Variants in FMNL2 observed in about 807,000 individuals in gnomAD.
FMNL2 encodes the protein formin-like protein 2.
FMNL2 carries 51 observed loss-of-function variants against 130.2 expected under a neutral mutation model. The ratio of observed to expected loss-of-function variants is 0.39; its 90% CI spans 0.31 to 0.49. FMNL2 has a LOEUF of 0.49. Among genes scored for constraint, FMNL2 ranks in the 20% least tolerant of loss-of-function variants. The pLI is 0.85. For synonymous variants in FMNL2, 465 were observed against 467.1 expected (o/e 1.00, Z 0.06); for missense variants, 977 against 1,316.2 (o/e 0.74, Z 3.99).
chr2:152,490,850 G>A (rs1455573903), intron 1 of FMNL2, among the ~76,000 whole-genome samples: 1 of 152,090 alleles, frequency 6.6e-6, no homozygotes, highest in Admixed American at 6.6e-5. Context: ...GGGATGGAAA[G>A]GCAAATGTGT....
Position 152,438,208 on chromosome 2 carries a change from A to C in FMNL2, c.118-83735A>C, listed in dbSNP as rs148235308. On this transcript the variant is annotated intron_variant, in intron 1 of 25. Coordinates refer to ENST00000288670, the MANE Select transcript of FMNL2 (RefSeq NM_052905.4). ...GAGAATATAAGAAGGCCTGTTCAGC[A>C]TTGGGTTTAAATAGGGAATAATTAG... 3.8e-3 allele frequency among the ~76,000 whole-genome samples: 577 copies of C among 152,368 alleles called. 3 individuals carry two copies. Among genetic ancestry groups the C allele is most frequent in the African/African-American group, 0.013 (552 of 41,590 alleles).
chr2:152,351,224 T>C (rs1682464840), intron 1 of FMNL2, among the ~76,000 whole-genome samples: 1 of 152,204 alleles, frequency 6.6e-6, no homozygotes, highest in South Asian at 2.1e-4. Flanking sequence ...AGTTCTGAGA[T>C]ACATGTGCAG....
At chr2:152,569,298 T>C (rs1696036303) in intron 6 of FMNL2, among the ~76,000 whole-genome samples, 1 of 152,166 alleles carries the variant, frequency 6.6e-6, no homozygotes, top group African/African-American at 2.4e-5. Flanking sequence ...TTTGCTGGCC[T>C]TGCTTGCTTT....
At chr2:152,397,455 T>G (rs1398684998) in intron 1 of FMNL2, among the ~76,000 whole-genome samples, 1 of 152,130 alleles carries the variant, frequency 6.6e-6, no homozygotes, top group East Asian at 1.9e-4. Context: ...CTTTTCAGAA[T>G]AAAAAACGTC....
chr2:152,542,557 T>A (rs1196144680), intron 2 of FMNL2, among the ~76,000 whole-genome samples, 182 bp from the exon 3 acceptor site: 3 of 152,164 alleles, frequency 2.0e-5, no homozygotes, highest in Non-Finnish European at 4.4e-5. Context: ...GTTTTCCTCC[T>A]ATGCAAAGAG....
intron 6 of FMNL2, among the ~76,000 whole-genome samples, chr2:152,563,135 AG>A (rs1262474961): frequency 1.3e-5 from 2 of 152,336 alleles, no homozygotes; most frequent in East Asian, 3.9e-4. Context: ...TTTGCTTCAA[AG>A]TGGATCTTGC....
chr2:152,369,926 T>C (rs1683777516), intron 1 of FMNL2, among the ~76,000 whole-genome samples: 1 of 152,164 alleles, frequency 6.6e-6, no homozygotes, highest in Admixed American at 6.5e-5. Flanking sequence ...TTGCTGTGTA[T>C]TGTGGGGAAT....
intron 22 of FMNL2, 134 bp downstream of exon 22, chr2:152,636,724 T>A: frequency 9.2e-7 from 1 of 1,088,128 alleles, no homozygotes; most frequent in Non-Finnish European, 1.3e-6. Flanking sequence ...TTGTAACTAT[T>A]ATTTATTACG....
intron 8 of FMNL2, among the ~76,000 whole-genome samples, chr2:152,579,349 C>T (rs182121013): frequency 6.6e-6 from 1 of 152,338 alleles, no homozygotes; most frequent in East Asian, 1.9e-4. Context: ...CCTTCGTCTA[C>T]ACTTCGCTTG....
intron 3 of FMNL2, among the ~76,000 whole-genome samples, chr2:152,544,566 C>A (rs182976348): frequency 6.6e-6 from 1 of 152,150 alleles, no homozygotes; most frequent in Middle Eastern, 3.2e-3. Context: ...AAACTTGTAA[C>A]CTTCAGGCTA....
At chr2:152,451,188 G>T (rs970652668) in intron 1 of FMNL2, among the ~76,000 whole-genome samples, 1 of 151,942 alleles carries the variant, frequency 6.6e-6, no homozygotes, top group African/African-American at 2.4e-5. Context: ...TCGCTCTGTT[G>T]CCCAGGCTGG....
chr2:152,367,685 A>G (rs1000401136), intron 1 of FMNL2, among the ~76,000 whole-genome samples: 13 of 152,202 alleles, frequency 8.5e-5, no homozygotes, highest in Admixed American at 8.5e-4. Context: ...GGGCTCCAGG[A>G]AGCTGACTGA....
intron 1 of FMNL2, among the ~76,000 whole-genome samples, chr2:152,518,876 AT>A (rs1225244260): frequency 1.3e-5 from 2 of 152,158 alleles, no homozygotes; most frequent in African/African-American, 2.4e-5. Flanking sequence ...AAACAACGTC[AT>A]TATGTTATTT....
At chr2:152,646,718 C>G (rs1683611531) in intron 25 of FMNL2, among the ~76,000 whole-genome samples, 2 of 152,100 alleles carry the variant, frequency 1.3e-5, no homozygotes, top group South Asian at 4.1e-4. Context: ...GTTTGTATTT[C>G]CCTTTCTAAA....
Position 152,578,892 on chromosome 2 carries a change from G to T in FMNL2, c.710G>T (p.Gly237Val), listed in dbSNP as rs367582555. ...TTTTTTCCATGTTAATTTTAGTATG[G>T]TTTCAACATGGTCATGTCTCATCCA... Reference protein sequence around the residue: ...CLRAIMNYQYGFNMVMSHPHA... With the variant: ...CLRAIMNYQYVFNMVMSHPHA... Residue 237 changes from glycine to valine, a missense_variant, in exon 8 of 26, where the codon GGT becomes GTT. Around this residue, in one of 4 missense-constraint regions of FMNL2, gnomAD observed 689 missense variants for 995.9 expected, o/e 0.69. Transcript: ENST00000288670. 1.3e-5 allele frequency: 21 copies of T among 1,610,054 alleles called. No individual in the cohort carries two copies. The highest frequency in any genetic ancestry group is 1.7e-5 in the Non-Finnish European group (20 of 1,177,960).
At chr2:152,456,711 A>AG (rs1014851358) in intron 1 of FMNL2, among the ~76,000 whole-genome samples, 17 of 152,116 alleles carry the variant, frequency 1.1e-4, no homozygotes, top group Admixed American at 2.6e-4. Context: ...TAGGAGACTG[A>AG]GGGGGGCGAA....
chr2:152,359,488 T>C (rs1276378866), intron 1 of FMNL2, among the ~76,000 whole-genome samples: 1 of 78,808 alleles, frequency 1.3e-5, no homozygotes, highest in African/African-American at 3.1e-5. Flanking sequence ...AGCCTTTTTT[T>C]TTTTTTCACA....
chr2:152,607,204 G>A (rs1256390440), intron 9 of FMNL2, 135 bp from the exon 10 acceptor site: 1 of 703,856 alleles, frequency 1.4e-6, no homozygotes, highest in East Asian at 2.8e-5. Flanking sequence ...AACTAGCTTA[G>A]AAGGGAAGTA....
chr2:152,398,513 A>T (rs1685517168), intron 1 of FMNL2, among the ~76,000 whole-genome samples: 1 of 152,222 alleles, frequency 6.6e-6, no homozygotes. Flanking sequence ...CTGAACATTC[A>T]AACTGATGAT....
Sources: allele counts gnomAD v4.1 joint callset (sites outside exome capture counted in the v4.1 genomes callset), GRCh38; gene constraint gnomAD v4.1.1; regional missense constraint gnomAD v4.1.1; transcripts MANE v1.5; gene names NCBI Gene and HGNC (gene_info 2026-07-23, HGNC 2026-07-21).